Variants in DENND2B observed in about 807,000 individuals in gnomAD.
DENND2B encodes DENN domain-containing protein 2B.
A neutral mutation model predicts 116.0 loss-of-function variants in DENND2B; 32 were observed. The observed-to-expected ratio is 0.28, with a 90% confidence interval of 0.21 to 0.37. DENND2B has a LOEUF of 0.37. Among genes scored for constraint, DENND2B ranks in the 10% least tolerant of loss-of-function variants. The pLI is 1.00. For synonymous variants in DENND2B, 588 were observed against 583.9 expected (o/e 1.01, Z -0.10); for missense variants, 1,276 against 1,477.7 (o/e 0.86, Z 2.24).
At chr11:8,825,679 C>T (rs2061950928) in intron 4 of DENND2B, among the ~76,000 whole-genome samples, 1 of 151,514 alleles carries the variant, frequency 6.6e-6, no homozygotes, top group Non-Finnish European at 1.5e-5. Flanking sequence ...CCTCCACAAA[C>T]TGGAACCATA....
rs569140684 is a variant in DENND2B at position 8,807,795 on chromosome 11, A to T, written c.-26+2722T>A. On this transcript the variant is annotated intron_variant, in intron 1 of 19. Transcript: ENST00000313726. Reference sequence around the variant, plus strand: ...CCTTCAGGCCTTAGAGGCTGTTGTGACATGACTCAACTAGAAGGGGAGCTG... The same window carrying T: ...CCTTCAGGCCTTAGAGGCTGTTGTGTCATGACTCAACTAGAAGGGGAGCTG... 3.3e-5 allele frequency: 5 copies of T among 152,262 alleles called. No homozygotes were observed. The East Asian group carries it at 9.7e-4, about 29-fold the overall frequency. The allele number at this position is 152,262 out of a possible 1,614,324, so 9.4% of individuals were successfully genotyped here. A position where few individuals can be genotyped will look rare whatever the true frequency, so the allele number is the denominator to read the frequency against.
rs960549230 is a variant in DENND2B at position 8,866,468 on chromosome 11, T to C, written c.-250+4486A>G. ...ACTCTCAAAACTAGGTTCAAGAGCA[T>C]TCTCCCGGGAAGACATACCAAATGA... On this transcript the variant is annotated intron_variant, in intron 2 of 6. Transcript: ENST00000524757. Among the ~76,000 whole-genome samples the C allele has an allele frequency of 2.6e-5, 4 of 152,218 alleles. 1 individual carries two copies. Among genetic ancestry groups the C allele is most frequent in the African/African-American group, 7.2e-5 (3 of 41,460 alleles).
At chr11:8,848,161 A>G (rs1328791921) in intron 3 of DENND2B, among the ~76,000 whole-genome samples, 1 of 151,716 alleles carries the variant, frequency 6.6e-6, no homozygotes, top group African/African-American at 2.4e-5. Context: ...TAAAACTCTC[A>G]GAGAAAGTAT....
chr11:8,808,354 A>C (rs1017927385), intron 1 of DENND2B: 2 of 152,228 alleles, frequency 1.3e-5, no homozygotes, highest in Non-Finnish European at 2.9e-5. Flanking sequence ...GCTGTGGGAC[A>C]CAGGAAAAGC....
At chr11:8,718,039 C>T (rs2133842361) in intron 4 of DENND2B, 147 bp from the exon 5 acceptor site, 3 of 815,628 alleles carry the variant, frequency 3.7e-6, no homozygotes, top group Non-Finnish European at 5.7e-6. Flanking sequence ...ATGCAGCTGC[C>T]CGTCTGCAGT....
intron 4 of DENND2B, among the ~76,000 whole-genome samples, chr11:8,837,645 C>T (rs2062482451): frequency 1.3e-5 from 2 of 152,140 alleles, no homozygotes; most frequent in African/African-American, 2.4e-5. Flanking sequence ...CACATCCAGC[C>T]GTTTCCCTTT....
chr11:8,794,025 T>C (rs1489048761), intron 1 of DENND2B, among the ~76,000 whole-genome samples: 1 of 152,202 alleles, frequency 6.6e-6, no homozygotes, highest in African/African-American at 2.4e-5. Context: ...TACCCAACTG[T>C]TAACAATAAC....
chr11:8,839,838 G>T (rs2062564419), intron 3 of DENND2B, among the ~76,000 whole-genome samples: 1 of 152,230 alleles, frequency 6.6e-6, no homozygotes, highest in East Asian at 1.9e-4. Context: ...TGTTAGGAAG[G>T]AGTGCTGATA....
chr11:8,726,847 T>C (rs1311322692), intron 3 of DENND2B, among the ~76,000 whole-genome samples: 1 of 152,214 alleles, frequency 6.6e-6, no homozygotes, highest in Non-Finnish European at 1.5e-5. Flanking sequence ...GGGTGGTTTG[T>C]TGAAGCAGGA....
intron 4 of DENND2B, among the ~76,000 whole-genome samples, chr11:8,824,900 T>C (rs1041565561): frequency 2.0e-5 from 3 of 148,414 alleles, no homozygotes; most frequent in East Asian, 2.0e-4. Flanking sequence ...GGTTTCGCCA[T>C]GTTGGCCAGG....
At chr11:8,892,247 CA>C (rs1407658749) in intron 1 of DENND2B, among the ~76,000 whole-genome samples, 1 of 151,994 alleles carries the variant, frequency 6.6e-6, no homozygotes, top group Non-Finnish European at 1.5e-5. Flanking sequence ...AAGCAGTGTG[CA>C]GAGGGAAACT....
intron 2 of DENND2B, among the ~76,000 whole-genome samples, chr11:8,861,249 C>T (rs1327799783): frequency 6.6e-6 from 1 of 151,954 alleles, no homozygotes; most frequent in Non-Finnish European, 1.5e-5. Context: ...ACAGACAACC[C>T]GCAGAATGGG....
At chr11:8,823,078 G>C (rs1362034561) in intron 4 of DENND2B, among the ~76,000 whole-genome samples, 2 of 148,156 alleles carry the variant, frequency 1.3e-5, no homozygotes, top group Non-Finnish European at 3.0e-5. Flanking sequence ...TAGCTAGTAA[G>C]TGATCCATAA....
intron 1 of DENND2B, among the ~76,000 whole-genome samples, chr11:8,886,806 T>C (rs1047977432): frequency 6.6e-6 from 1 of 152,132 alleles, no homozygotes; most frequent in Non-Finnish European, 1.5e-5. Context: ...ATTTTCATCA[T>C]GATTTTGGTG....
intron 1 of DENND2B, among the ~76,000 whole-genome samples, chr11:8,775,221 A>G (rs1199388691): frequency 6.6e-6 from 1 of 152,170 alleles, no homozygotes; most frequent in Non-Finnish European, 1.5e-5. Context: ...GAGACCAAGG[A>G]AAGAATCAGG....
upstream of DENND2B, among the ~76,000 whole-genome samples, chr11:8,814,451 C>A (rs932045154): frequency 6.6e-6 from 1 of 152,088 alleles, no homozygotes; most frequent in Non-Finnish European, 1.5e-5. Flanking sequence ...CAGCCACATA[C>A]AACTGCTTTT....
At chr11:8,820,094 A>T (rs2061707313) in intron 4 of DENND2B, among the ~76,000 whole-genome samples, 1 of 152,252 alleles carries the variant, frequency 6.6e-6, no homozygotes, top group South Asian at 2.1e-4. Context: ...AAGTTTGGGA[A>T]GCACTAAAGT....
intron 4 of DENND2B, among the ~76,000 whole-genome samples, chr11:8,818,952 T>C (rs2061670367): frequency 6.6e-6 from 1 of 152,190 alleles, no homozygotes; most frequent in South Asian, 2.1e-4. Flanking sequence ...GGACAAACTT[T>C]TTTTAAGTTT....
chr11:8,821,342 A>G (rs1055355577), intron 4 of DENND2B, among the ~76,000 whole-genome samples: 16 of 151,638 alleles, frequency 1.1e-4, no homozygotes, highest in Non-Finnish European at 1.8e-4. Flanking sequence ...TAATCCCAGC[A>G]CTTTGGAAGG....
Sources: gnomAD v4.1 joint callset for allele counts (sites outside exome capture counted in the v4.1 genomes callset) on GRCh38, gnomAD v4.1.1 for gene constraint, MANE v1.5 for transcripts, NCBI Gene and HGNC (gene_info 2026-07-23, HGNC 2026-07-21) for gene names.